The following PIKFYVE variants were observed in gnomAD, a reference collection of about 807,000 sequenced individuals.
PIKFYVE encodes the protein phosphoinositide kinase, FYVE-type zinc finger containing, also known as 1-phosphatidylinositol 3-phosphate 5-kinase.
PIKFYVE carries 122 observed loss-of-function variants against 257.9 expected under a neutral mutation model. That is an observed-to-expected ratio of 0.47 (90% confidence interval 0.41 to 0.55). The LOEUF (loss-of-function observed/expected upper bound fraction) is 0.55. Among genes scored for constraint, PIKFYVE ranks in the 20% least tolerant of loss-of-function variants. PIKFYVE has a pLI of 0.00. For missense variants in PIKFYVE, 2,160 were observed against 2,536.6 expected (o/e 0.85, Z 3.19); for synonymous variants, 892 against 868.9 (o/e 1.03, Z -0.47).
At chr2:208,310,799 A>G (rs970749989) in intron 12 of PIKFYVE, among the ~76,000 whole-genome samples, 5 of 152,216 alleles carry the variant, frequency 3.3e-5, no homozygotes, top group Admixed American at 6.5e-5. Flanking sequence ...ACCAAATGCC[A>G]TGTGTGAACT....
intron 7 of PIKFYVE, among the ~76,000 whole-genome samples, chr2:208,291,533 T>C (rs1272968749): frequency 6.6e-6 from 1 of 152,128 alleles, no homozygotes; most frequent in Non-Finnish European, 1.5e-5. Flanking sequence ...CAGGAAAATT[T>C]TGTGGAGAAT....
chr2:208,279,307 T>G (rs934986267), intron 5 of PIKFYVE, among the ~76,000 whole-genome samples: 5 of 152,226 alleles, frequency 3.3e-5, no homozygotes, highest in African/African-American at 1.2e-4. Flanking sequence ...TAGATCTTTG[T>G]CAGATGCATA....
intron 5 of PIKFYVE, among the ~76,000 whole-genome samples, chr2:208,281,548 T>C (rs1349434608): frequency 6.6e-6 from 1 of 152,212 alleles, no homozygotes; most frequent in East Asian, 1.9e-4. Context: ...TTTCAGGGCC[T>C]ACCTGAGCTT....
At chr2:208,322,010 G>A (rs781357598) in intron 17 of PIKFYVE, among the ~76,000 whole-genome samples, 7 of 152,150 alleles carry the variant, frequency 4.6e-5, no homozygotes, top group African/African-American at 9.7e-5. Flanking sequence ...ATCTGTTAGA[G>A]TTATTTATTC....
intron 5 of PIKFYVE, among the ~76,000 whole-genome samples, chr2:208,278,858 A>G (rs572941952): frequency 6.6e-6 from 1 of 152,342 alleles, no homozygotes; most frequent in South Asian, 2.1e-4. Flanking sequence ...AAGTGTTACA[A>G]TGAACATACG....
chr2:208,338,439 TG>T, intron 28 of PIKFYVE, 68 bp from the exon 29 acceptor site: 1 of 1,474,358 alleles, frequency 6.8e-7, no homozygotes, highest in South Asian at 1.2e-5. Context: ...TAAGATTCAC[TG>T]GATTAAAAAA....
chr2:208,331,985 A>G (rs10189833), intron 23 of PIKFYVE, among the ~76,000 whole-genome samples: 2,226 of 152,292 alleles, frequency 0.015, 65 homozygotes, highest in African/African-American at 0.051. Context: ...GCTTTGCTAT[A>G]TGCACTTTAT....
intron 33 of PIKFYVE, among the ~76,000 whole-genome samples, 177 bp downstream of exon 33, chr2:208,345,371 TAAAC>T (rs898211994): frequency 3.3e-5 from 5 of 152,144 alleles, no homozygotes; most frequent in African/African-American, 9.6e-5. Flanking sequence ...CAAAAGAACT[TAAAC>T]AGTCCCTCAG....
At chr2:208,314,160 G>T in intron 13 of PIKFYVE, 134 bp from the exon 14 acceptor site, 1 of 904,588 alleles carries the variant, frequency 1.1e-6, no homozygotes. Context: ...ACATGTTCTT[G>T]CCTTTTTACA....
At chr2:208,283,108 C>T (rs1691055218) in intron 5 of PIKFYVE, among the ~76,000 whole-genome samples, 1 of 152,084 alleles carries the variant, frequency 6.6e-6, no homozygotes, top group Non-Finnish European at 1.5e-5. Context: ...TAGTACATGT[C>T]CCTGGGATTG....
In PIKFYVE at chr2:208,336,884, G is replaced by A. The variant is rs368783060; in HGVS notation, c.4567G>A (p.Val1523Ile). Reference protein sequence around the residue: ...QQEKGRKRPSVPPSPGRLRQG... With the variant: ...QQEKGRKRPSIPPSPGRLRQG... ...GGAAAAGGGTAGAAAGAGACCTTCA[G>A]TTCCTCCAAGTCCTGGAAGACTGAG... is the stretch of plus-strand genomic sequence containing the variant. Residue 1523 changes from valine (V) to isoleucine (I), a missense_variant, in exon 28 of 42, where the codon GTT becomes ATT. Coordinates refer to ENST00000264380, the MANE Select transcript of PIKFYVE (RefSeq NM_015040.4). 10 of 1,613,016 alleles carry A rather than the reference G, an allele frequency of 6.2e-6. No homozygotes were observed. The African/African-American group carries it at 8.0e-5, about 13-fold the overall frequency.
chr2:208,307,322 CT>C (rs35513579), intron 12 of PIKFYVE, among the ~76,000 whole-genome samples: 2 of 152,188 alleles, frequency 1.3e-5, no homozygotes, highest in Admixed American at 1.3e-4. Flanking sequence ...AAGAAGGCTT[CT>C]TTTTCCTCCC....
intron 1 of PIKFYVE, among the ~76,000 whole-genome samples, chr2:208,267,441 A>G (rs980474395): frequency 2.0e-5 from 3 of 149,956 alleles, no homozygotes; most frequent in African/African-American, 4.9e-5. Context: ...TGAACAAGAA[A>G]TCTTTGTTGA....
chr2:208,338,664 C>T (rs1320149745), intron 29 of PIKFYVE, 96 bp downstream of exon 29: 6 of 1,220,826 alleles, frequency 4.9e-6, no homozygotes, highest in Non-Finnish European at 7.2e-6. Flanking sequence ...TTTTCCGATG[C>T]TGTTGTTCAT....
intron 7 of PIKFYVE, 128 bp from the exon 8 acceptor site, chr2:208,298,513 A>G (rs1459794918): frequency 1.7e-6 from 2 of 1,177,166 alleles, no homozygotes; most frequent in East Asian, 2.6e-5. Context: ...CATAACCATC[A>G]TAAGTACTTT....
intron 12 of PIKFYVE, among the ~76,000 whole-genome samples, chr2:208,306,066 A>G (rs1270240683): frequency 6.6e-6 from 1 of 152,234 alleles, no homozygotes; most frequent in Non-Finnish European, 1.5e-5. Context: ...ACAAGTTTAT[A>G]TTTCTCCAAC....
chr2:208,277,092 T>C (rs1431061124), intron 4 of PIKFYVE, among the ~76,000 whole-genome samples: 2 of 152,210 alleles, frequency 1.3e-5, no homozygotes, highest in African/African-American at 2.4e-5. Context: ...CTATGGTTTC[T>C]TCAAGAAGCT....
chr2:208,285,690 A>T, intron 5 of PIKFYVE, 36 bp from the exon 6 acceptor site: 2 of 1,567,534 alleles, frequency 1.3e-6, no homozygotes, highest in Non-Finnish European at 1.8e-6. Context: ...CTTTTCCTTC[A>T]ATTTCCTTGT....
At chr2:208,329,128 C>G (rs1315543646) in intron 21 of PIKFYVE, among the ~76,000 whole-genome samples, 1 of 152,092 alleles carries the variant, frequency 6.6e-6, no homozygotes, top group Non-Finnish European at 1.5e-5. Flanking sequence ...ACATACATAG[C>G]CTTACATTAC....
Sources: gnomAD v4.1 joint callset for allele counts (sites outside exome capture counted in the v4.1 genomes callset) on GRCh38, gnomAD v4.1.1 for gene constraint, MANE v1.5 for transcripts, NCBI Gene and HGNC (gene_info 2026-07-23, HGNC 2026-07-21) for gene names.